KYNU: variants seen among roughly 807,000 people sequenced by gnomAD.
The protein encoded by KYNU is kynureninase.
KYNU carries 54 observed loss-of-function variants against 59.2 expected under a neutral mutation model. The observed-to-expected ratio is 0.91, with a 90% CI of 0.73 to 1.14. The LOEUF is 1.14. Among genes scored for constraint, KYNU ranks in the 50% most tolerant of loss-of-function variants. The pLI, the probability that KYNU is intolerant of heterozygous loss-of-function variation, is 0.00. For synonymous variants in KYNU, 177 were observed against 192.0 expected (o/e 0.92, Z 0.65); for missense variants, 567 against 554.4 (o/e 1.02, Z -0.23).
At chr2:142,942,482 T>C (rs1683637436) in intron 4 of KYNU, among the ~76,000 whole-genome samples, 1 of 152,198 alleles carries the variant, frequency 6.6e-6, no homozygotes, top group Non-Finnish European at 1.5e-5. Flanking sequence ...ATAATTAAAA[T>C]AATTTTGTAG....
intron 2 of KYNU, among the ~76,000 whole-genome samples, chr2:142,892,492 G>A (rs781562423): frequency 2.0e-5 from 3 of 152,142 alleles, no homozygotes; most frequent in African/African-American, 7.2e-5. Context: ...GCTGGGTATT[G>A]GTAAATGGTA....
intron 2 of KYNU, among the ~76,000 whole-genome samples, chr2:142,910,867 G>T (rs953657073): frequency 2.6e-5 from 4 of 152,120 alleles, no homozygotes; most frequent in Non-Finnish European, 4.4e-5. Context: ...CTTTGTTAAA[G>T]ATTAGACTGT....
chr2:142,889,737 T>C (rs1558902902), intron 2 of KYNU, among the ~76,000 whole-genome samples: 1 of 152,136 alleles, frequency 6.6e-6, no homozygotes, highest in Non-Finnish European at 1.5e-5. Context: ...CATCTAAAAA[T>C]GGTAAAGCAT....
chr2:142,945,733 T>A (rs545852675), intron 4 of KYNU, among the ~76,000 whole-genome samples: 3 of 140,596 alleles, frequency 2.1e-5, no homozygotes, highest in South Asian at 2.5e-4. Context: ...ATGCTTTTTT[T>A]AATTGTATTT....
At position 143,042,369 on chromosome 2, in the gene KYNU, C is replaced by T. The variant is rs577785450; in HGVS notation, c.*197C>T. 51 of 543,920 alleles carry T rather than the reference C, an allele frequency of 9.4e-5. No homozygotes were observed. The East Asian group carries it at 1.8e-3, about 19-fold the overall frequency. The allele number at this position is 543,920 out of a possible 1,614,324, so 33.7% of individuals were successfully genotyped here. On this transcript the variant is annotated 3_prime_UTR_variant, in exon 14 of 14. Transcript: ENST00000264170. Reference sequence around the variant, plus strand: ...AGGAGTCCACAGGGCTGCCTAGGTGCTTTGTGTTTGGGGGACCAAAACTGT... The same window carrying T: ...AGGAGTCCACAGGGCTGCCTAGGTGTTTTGTGTTTGGGGGACCAAAACTGT...
chr2:142,933,810 G>T (rs549841133), intron 4 of KYNU, among the ~76,000 whole-genome samples: 9 of 152,266 alleles, frequency 5.9e-5, no homozygotes, highest in African/African-American at 1.2e-4. Context: ...CCAAAAAGAT[G>T]GGGGCTGTCT....
In KYNU at chr2:142,939,310, A is replaced by G. The variant is rs80325283; in HGVS notation, c.373+11569A>G. 1.8e-3 allele frequency among the ~76,000 whole-genome samples: 278 copies of G among 152,316 alleles called. 1 individual carries two copies. Among genetic ancestry groups the G allele is most frequent in the Non-Finnish European group, 3.4e-3 (233 of 68,024 alleles). On this transcript the variant is annotated intron_variant, in intron 4 of 13. Transcript: ENST00000264170. ...TCAGAATATCAACTTCTAGTTTAAG[A>G]TAACAGATTGAGTCTGAGAGTGGTG...
chr2:143,002,099 G>C (rs987135007), intron 10 of KYNU, among the ~76,000 whole-genome samples: 1 of 152,140 alleles, frequency 6.6e-6, no homozygotes, highest in Non-Finnish European at 1.5e-5. Flanking sequence ...TAGAATCTTC[G>C]GTGGAGCTGG....
intron 2 of KYNU, among the ~76,000 whole-genome samples, chr2:142,899,372 G>T (rs1311892991): frequency 1.3e-5 from 2 of 152,064 alleles, no homozygotes; most frequent in African/African-American, 4.8e-5. Context: ...TTTACTACCC[G>T]ATTGGTCAGG....
chr2:142,885,591 G>T (rs1681482620), intron 2 of KYNU, 55 bp downstream of exon 2: 3 of 1,375,050 alleles, frequency 2.2e-6, no homozygotes, highest in Non-Finnish European at 2.0e-6. Context: ...TTTTGCTACT[G>T]CATGTGTTTA....
rs77544836 is a variant in KYNU, at chr2:142,911,400, A to G, written c.170-7209A>G. 5.6e-3 allele frequency among the ~76,000 whole-genome samples: 851 copies of G among 152,202 alleles called. 2 individuals carry two copies. The highest frequency in any genetic ancestry group is 8.0e-3 in the Non-Finnish European group (542 of 68,014). On this transcript the variant is annotated intron_variant, in intron 2 of 13. Coordinates refer to ENST00000264170, the MANE Select transcript of KYNU (RefSeq NM_003937.3). ...ATATAGAAATGCTCCTGATTTTTTA[A>G]TGTTGATTTTATATTCTGAAACTTT...
At chr2:142,925,402 G>T (rs13018862) in intron 3 of KYNU, among the ~76,000 whole-genome samples, 20,308 of 152,158 alleles carry the variant, frequency 0.13, 2,143 homozygotes, top group African/African-American at 0.29. Context: ...TAATAGAAAT[G>T]TTAGTTTAAA....
chr2:142,935,231 T>C (rs1395831995), intron 4 of KYNU, among the ~76,000 whole-genome samples: 1 of 152,212 alleles, frequency 6.6e-6, no homozygotes, highest in African/African-American at 2.4e-5. Flanking sequence ...TATTTTCTTA[T>C]GACTTCAGTT....
chr2:143,027,720 G>A (rs939094061), intron 10 of KYNU, among the ~76,000 whole-genome samples: 9 of 151,906 alleles, frequency 5.9e-5, no homozygotes, highest in African/African-American at 2.2e-4. Context: ...ATTTTCTTCT[G>A]TTTTATACTT....
chr2:142,955,910 C>T (rs982622976), intron 5 of KYNU, among the ~76,000 whole-genome samples: 4 of 152,072 alleles, frequency 2.6e-5, no homozygotes, highest in Non-Finnish European at 5.9e-5. Context: ...AATCATCAGA[C>T]TTTAAGTTTC....
intron 1 of KYNU, among the ~76,000 whole-genome samples, chr2:142,883,571 T>G (rs1681384497): frequency 6.6e-6 from 1 of 152,236 alleles, no homozygotes; most frequent in East Asian, 1.9e-4. Flanking sequence ...TTCCCTCTTT[T>G]TCCCTCCCTA....
At chr2:142,981,263 T>C (rs1168863631) in intron 8 of KYNU, among the ~76,000 whole-genome samples, 1 of 152,128 alleles carries the variant, frequency 6.6e-6, no homozygotes, top group Non-Finnish European at 1.5e-5. Flanking sequence ...AAAGTGCTGC[T>C]TTTTCTATTT....
At chr2:142,949,784 G>A (rs944600487) in intron 4 of KYNU, among the ~76,000 whole-genome samples, 4 of 149,846 alleles carry the variant, frequency 2.7e-5, no homozygotes, top group African/African-American at 7.6e-5. Flanking sequence ...TCTGCTCCTC[G>A]TTACTTATGC....
intron 11 of KYNU, among the ~76,000 whole-genome samples, chr2:143,030,958 T>G (rs1167426425): frequency 6.6e-6 from 1 of 152,160 alleles, no homozygotes; most frequent in Non-Finnish European, 1.5e-5. Context: ...TTATATGATT[T>G]ATTGAATACT....
Sources: gnomAD v4.1 joint callset for allele counts (sites outside exome capture counted in the v4.1 genomes callset) on GRCh38, gnomAD v4.1.1 for gene constraint, MANE v1.5 for transcripts, NCBI Gene and HGNC (gene_info 2026-07-23, HGNC 2026-07-21) for gene names.